SHROOM4: variants seen among roughly 807,000 people sequenced by gnomAD.
SHROOM4 encodes protein Shroom4.
Under a neutral mutation model 80.3 loss-of-function variants are expected in SHROOM4, and 17 were observed. The ratio of observed to expected loss-of-function variants is 0.21; its 90% CI spans 0.14 to 0.32. SHROOM4 has a LOEUF of 0.32. Among genes scored for constraint, SHROOM4 ranks in the 10% least tolerant of loss-of-function variants. The pLI, the probability that SHROOM4 is intolerant of heterozygous loss-of-function variation, is 1.00. For synonymous variants in SHROOM4, 400 were observed against 437.5 expected, an observed-to-expected ratio of 0.91 and a Z score of 1.07; for missense variants, 993 against 1,140.3, an observed-to-expected ratio of 0.87 and a Z score of 1.86.
chrX:50,697,634 T>C (rs782787194), intron 1 of SHROOM4, among the ~76,000 whole-genome samples: 1 of 112,187 alleles, frequency 8.9e-6, no homozygotes, highest in Admixed American at 9.4e-5. Context: ...CCAAGTGACA[T>C]TGAATATATA....
chrX:50,751,542 T>C (rs149673488), intron 1 of SHROOM4, among the ~76,000 whole-genome samples: 2,402 of 111,634 alleles, frequency 0.022, 37 homozygotes, highest in Non-Finnish European at 0.033. Context: ...TCTATAATAA[T>C]GGTATTTTGC....
rs781942320 is a variant in SHROOM4, at chrX:50,591,694, T to TTTCTTTTCTTTCTTTC, written c.*5000_*5001insGAAAGAAAGAAAAGAA. ...TTTTCTTTCTTTCTTTCTTTCTTTCTTTTCTTTCTTTCTTTCTTTCTTTCT... is the reference window on the plus strand; with the variant it reads ...TTTTCTTTCTTTCTTTCTTTCTTTCTTTCTTTTCTTTCTTTCTTTCTTTCTTTCTTTCTTTCTTTCT... On this transcript the variant is annotated 3_prime_UTR_variant, in exon 9 of 9. Coordinates refer to ENST00000376020, the MANE Select transcript of SHROOM4 (RefSeq NM_020717.5). The TTTCTTTTCTTTCTTTC allele has an allele frequency of 2.0e-5, 5 of 248,949 alleles. No homozygotes were observed. The highest frequency in any genetic ancestry group is 1.7e-4 in the African/African-American group (5 of 28,687). 20.5% of individuals were successfully genotyped at this position (248,949 alleles called of 1,213,427 possible).
chrX:50,638,158 A>T lies in SHROOM4; in HGVS notation c.404+16T>A. 1 of 1,200,566 alleles carries T rather than the reference A, an allele frequency of 8.3e-7. No homozygotes were observed. The highest frequency in any genetic ancestry group is 2.2e-5 in the Admixed American group (1 of 44,753). ...CTACCCTCCAGCCTGTCTTGAGGGG[A>T]GGGCTCTAGACTCACCTTGTGTTGC... On this transcript the variant is annotated intron_variant, in intron 3 of 8. Transcript: ENST00000376020.
At chrX:50,765,634 A>G (rs1186716538) in intron 1 of SHROOM4, among the ~76,000 whole-genome samples, 1 of 112,159 alleles carries the variant, frequency 8.9e-6, no homozygotes, top group Non-Finnish European at 1.9e-5. Context: ...ACACATTGAT[A>G]GACACTGTAA....
chrX:50,715,168 T>C (rs1346823802), intron 1 of SHROOM4, among the ~76,000 whole-genome samples: 1 of 111,291 alleles, frequency 9.0e-6, no homozygotes, highest in Non-Finnish European at 1.9e-5. Flanking sequence ...GCTCCTGACA[T>C]TCTGCCTACC....
At chrX:50,770,703 G>GCTC (rs1489130894) in intron 1 of SHROOM4, among the ~76,000 whole-genome samples, 1 of 111,964 alleles carries the variant, frequency 8.9e-6, no homozygotes, top group East Asian at 2.8e-4. Context: ...CCTGCAAGGA[G>GCTC]CACCCTTTGT....
intron 1 of SHROOM4, among the ~76,000 whole-genome samples, chrX:50,733,975 C>A (rs1172115479): frequency 9.0e-6 from 1 of 111,639 alleles, no homozygotes; most frequent in African/African-American, 3.2e-5. Context: ...TATCTGCTTG[C>A]AATAAACAAT....
intron 1 of SHROOM4, among the ~76,000 whole-genome samples, chrX:50,775,580 G>A (rs1440089779): frequency 1.8e-5 from 2 of 111,774 alleles, no homozygotes; most frequent in Non-Finnish European, 3.8e-5. Context: ...AAGAGGTGGG[G>A]CACTCTGAGG....
chrX:50,648,547 A>T (rs1931925637), intron 2 of SHROOM4, among the ~76,000 whole-genome samples: 1 of 112,363 alleles, frequency 8.9e-6, no homozygotes, highest in South Asian at 3.7e-4. Context: ...ACCATTAAAA[A>T]GGATGGAATG....
chrX:50,709,304 A>G (rs1365258361), intron 1 of SHROOM4, among the ~76,000 whole-genome samples: 5 of 112,295 alleles, frequency 4.5e-5, no homozygotes, highest in African/African-American at 1.6e-4. Context: ...TTTTGGCTCC[A>G]CAGGGCCCCT....
At chrX:50,606,606 A>G (rs1464197488) in intron 6 of SHROOM4, among the ~76,000 whole-genome samples, 2 of 107,975 alleles carry the variant, frequency 1.9e-5, no homozygotes, top group East Asian at 6.0e-4. Context: ...AAAAAACCCA[A>G]CCATGCACTA....
At chrX:50,605,339 CAA>C (rs1356288334) in intron 6 of SHROOM4, among the ~76,000 whole-genome samples, 8 of 112,021 alleles carry the variant, frequency 7.1e-5, no homozygotes. Context: ...AGTAAGCAAT[CAA>C]AAAAATTAGC....
chrX:50,662,275 C>T (rs782395867), intron 2 of SHROOM4, among the ~76,000 whole-genome samples: 2 of 110,994 alleles, frequency 1.8e-5, no homozygotes, highest in Non-Finnish European at 3.8e-5. Context: ...CCAAGGTGGG[C>T]GGATCATGAG....
intron 1 of SHROOM4, among the ~76,000 whole-genome samples, chrX:50,710,780 G>C (rs1257709677): frequency 9.0e-6 from 1 of 111,611 alleles, no homozygotes; most frequent in Non-Finnish European, 1.9e-5. Flanking sequence ...TTGAAGCCTG[G>C]GTTTCAAAGG....
chrX:50,741,556 A>G (rs951110053), intron 1 of SHROOM4, among the ~76,000 whole-genome samples: 2 of 111,222 alleles, frequency 1.8e-5, no homozygotes, highest in Non-Finnish European at 3.8e-5. Context: ...TACAATTATG[A>G]TTTGTCATTA....
chrX:50,762,503 T>C (rs1462064128), intron 1 of SHROOM4, among the ~76,000 whole-genome samples: 3 of 112,679 alleles, frequency 2.7e-5, no homozygotes, highest in African/African-American at 9.7e-5. Flanking sequence ...TTTTTTCATG[T>C]GGATATGAAT....
intron 1 of SHROOM4, among the ~76,000 whole-genome samples, chrX:50,724,763 G>A (rs918066021): frequency 1.2e-4 from 14 of 112,697 alleles, no homozygotes; most frequent in African/African-American, 2.3e-4. Flanking sequence ...TTACAGGCAT[G>A]AGCCACCGTG....
intron 4 of SHROOM4, 135 bp downstream of exon 4, chrX:50,633,043 C>G (rs1931134207): frequency 3.0e-6 from 2 of 665,483 alleles, no homozygotes; most frequent in Non-Finnish European, 4.6e-6. Context: ...TTCAAGGTTA[C>G]TAAGCTAACA....
At chrX:50,638,358 T>G (rs1557256564) in intron 2 of SHROOM4, 50 bp from the exon 3 acceptor site, 1 of 1,203,858 alleles carries the variant, frequency 8.3e-7, no homozygotes, top group East Asian at 3.0e-5. Flanking sequence ...AGAGCTGAAA[T>G]CACTTCCCAG....
Sources: gnomAD v4.1 joint callset for allele counts (sites outside exome capture counted in the v4.1 genomes callset) on GRCh38, gnomAD v4.1.1 for gene constraint, MANE v1.5 for transcripts, NCBI Gene and HGNC (gene_info 2026-07-23, HGNC 2026-07-21) for gene names.